Variants in SFMBT2 observed in about 807,000 individuals in gnomAD.
SFMBT2 encodes scm-like with four MBT domains protein 2.
Under a neutral mutation model 110.1 loss-of-function variants are expected in SFMBT2, and 38 were observed. The ratio of observed to expected loss-of-function variants is 0.35; its 90% CI spans 0.27 to 0.45. The LOEUF (loss-of-function observed/expected upper bound fraction) is 0.45, where lower values mean the gene tolerates loss of function less well. Among genes scored for constraint, SFMBT2 ranks in the 20% least tolerant of loss-of-function variants. The probability of loss-of-function intolerance (pLI) is 1.00; values close to 1 mark genes in which losing one functional copy is unlikely to be tolerated. For missense variants in SFMBT2, 1,011 were observed against 1,094.9 expected (o/e 0.92, Z 1.08); for synonymous variants, 425 against 425.4 (o/e 1.00, Z 0.01).
At chr10:7,258,540 C>T (rs762101068) in intron 7 of SFMBT2, among the ~76,000 whole-genome samples, 1 of 152,138 alleles carries the variant, frequency 6.6e-6, no homozygotes, top group Non-Finnish European at 1.5e-5. Context: ...TTCAAGGCCT[C>T]CATTAATCTG....
At chr10:7,366,502 A>G (rs1231600871) in intron 4 of SFMBT2, among the ~76,000 whole-genome samples, 1 of 152,150 alleles carries the variant, frequency 6.6e-6, no homozygotes, top group African/African-American at 2.4e-5. Flanking sequence ...AATACCACAA[A>G]CAGAATGAAC....
In SFMBT2 at chr10:7,171,779, G is replaced by C; in HGVS notation, c.2415+116C>G. 8.8e-7 allele frequency: 1 copy of C among 1,138,810 alleles called. No homozygotes were observed. Among genetic ancestry groups the C allele is most frequent in the Non-Finnish European group, 1.1e-6 (1 of 874,228 alleles). The allele number at this position is 1,138,810 out of a possible 1,614,324, so 70.5% of individuals were successfully genotyped here. On this transcript the variant is annotated intron_variant, in intron 19 of 20. Transcript: ENST00000397167. This position sits in a 1 kb window ranked among gnomAD's most constrained non-coding sequence, Gnocchi z 4.9. ...CCTGACTTGGGAACTAGCTAGAGCA[G>C]CTGCTGCTGTTGGAGGTATTTTAAA...
intron 20 of SFMBT2, among the ~76,000 whole-genome samples, chr10:7,168,438 T>C (rs1280782025): frequency 6.6e-6 from 1 of 151,982 alleles, no homozygotes; most frequent in Non-Finnish European, 1.5e-5. Context: ...ACCAAAACAT[T>C]AGAGTAATAC....
chr10:7,262,864 T>C (rs2692776), intron 7 of SFMBT2, among the ~76,000 whole-genome samples: 47,739 of 151,086 alleles, frequency 0.32, 7,857 homozygotes, highest in South Asian at 0.43. Flanking sequence ...ATGGAATTCA[T>C]GTGCTTCAGT....
chr10:7,193,470 G>A (rs1838668220), intron 15 of SFMBT2, among the ~76,000 whole-genome samples: 2 of 152,228 alleles, frequency 1.3e-5, no homozygotes, highest in South Asian at 4.1e-4. Flanking sequence ...CCCCCACCAT[G>A]ATGTGTGGAG....
intron 11 of SFMBT2, among the ~76,000 whole-genome samples, chr10:7,211,458 C>T (rs114343055): frequency 0.015 from 2,332 of 152,260 alleles, 58 homozygotes; most frequent in African/African-American, 0.054. Flanking sequence ...ATTCCCCGGC[C>T]TCTGGTCAAC....
chr10:7,382,415 A>C (rs1205260082), intron 1 of SFMBT2, among the ~76,000 whole-genome samples: 1 of 152,196 alleles, frequency 6.6e-6, no homozygotes. Flanking sequence ...GTCTCAAAAA[A>C]AAAATTAATT....
intron 20 of SFMBT2, among the ~76,000 whole-genome samples, chr10:7,166,905 A>G (rs1431249568): frequency 1.3e-5 from 2 of 152,376 alleles, no homozygotes; most frequent in Middle Eastern, 3.4e-3. Context: ...TTTAGGTAAC[A>G]GCATACCTCA....
intron 5 of SFMBT2, 82 bp from the exon 6 acceptor site, chr10:7,284,232 T>C: frequency 6.5e-7 from 1 of 1,547,380 alleles, no homozygotes; most frequent in Non-Finnish European, 8.7e-7. Flanking sequence ...GAAGATAATA[T>C]TTTTTCACAC....
intron 4 of SFMBT2, chr10:7,287,504 C>T (rs976871240): frequency 8.9e-6 from 2 of 225,720 alleles, no homozygotes; most frequent in African/African-American, 4.6e-5. Context: ...TTCAAAGGCC[C>T]CACTGGGCTA....
chr10:7,403,792 GTAACTCAA>G (rs1479682651), intron 1 of SFMBT2, among the ~76,000 whole-genome samples: 42 of 152,338 alleles, frequency 2.8e-4, no homozygotes, highest in Admixed American at 1.3e-3. Flanking sequence ...CTCTGGGCAA[GTAACTCAA>G]GCTCTCTAAT....
At position 7,202,536 on chromosome 10, in the gene SFMBT2, A is replaced by C; in HGVS notation, c.1445-14T>G. ...TCTTCTTTTGTGCTGTAGAAAAGGC[A>C]AAACGGAAAAAGAAAATCAGCTTTG... On this transcript the variant is annotated splice_polypyrimidine_tract_variant and intron_variant, in intron 12 of 20. Coordinates refer to ENST00000397167, the MANE Select transcript of SFMBT2 (RefSeq NM_001387889.1). 1 of 1,614,210 alleles carries C rather than the reference A, an allele frequency of 6.2e-7. No individual in the cohort carries two copies. The highest frequency in any genetic ancestry group is 1.3e-5 in the African/African-American group (1 of 75,064).
intron 4 of SFMBT2, among the ~76,000 whole-genome samples, chr10:7,352,710 C>A (rs553997298): frequency 1.4e-3 from 213 of 152,246 alleles, no homozygotes; most frequent in Non-Finnish European, 1.2e-3. Flanking sequence ...AAATGGCCAA[C>A]AAATAAATAA....
chr10:7,224,398 C>T (rs1839842689), intron 10 of SFMBT2, among the ~76,000 whole-genome samples: 2 of 152,194 alleles, frequency 1.3e-5, no homozygotes, highest in South Asian at 2.1e-4. Context: ...TCCTGGCTCT[C>T]CACTGTCTGA....
chr10:7,206,393 C>T (rs1564382700), intron 11 of SFMBT2: 1 of 985,392 alleles, frequency 1.0e-6, no homozygotes, highest in Non-Finnish European at 1.2e-6. Context: ...GTAAAGGCAA[C>T]CTTCAATGAA....
chr10:7,220,927 C>T (rs1236519552), intron 10 of SFMBT2, among the ~76,000 whole-genome samples: 4 of 151,394 alleles, frequency 2.6e-5, no homozygotes, highest in Admixed American at 1.3e-4. Context: ...CCCGGGTTCA[C>T]GCCATTCTCC....
chr10:7,241,913 T>C (rs947562585), intron 9 of SFMBT2, among the ~76,000 whole-genome samples: 3 of 152,194 alleles, frequency 2.0e-5, no homozygotes, highest in African/African-American at 7.2e-5. Context: ...GCCAACCATT[T>C]TTTCAAAATT....
intron 16 of SFMBT2, among the ~76,000 whole-genome samples, chr10:7,182,794 C>A (rs914449246): frequency 4.6e-5 from 7 of 151,030 alleles, no homozygotes; most frequent in African/African-American, 1.7e-4. Flanking sequence ...TGCAGCACAC[C>A]AACATGGCAC....
intron 4 of SFMBT2, among the ~76,000 whole-genome samples, chr10:7,300,205 G>C (rs1484755187): frequency 1.3e-5 from 2 of 151,898 alleles, no homozygotes; most frequent in African/African-American, 4.8e-5. Flanking sequence ...AAACTTAAGA[G>C]GACAGGTCAA....
Sources: gnomAD v4.1 joint callset for allele counts (sites outside exome capture counted in the v4.1 genomes callset) on GRCh38, gnomAD v4.1.1 for gene constraint, Gnocchi (gnomAD v3.1) non-coding constraint, MANE v1.5 for transcripts, NCBI Gene and HGNC (gene_info 2026-07-23, HGNC 2026-07-21) for gene names.